The following DLGAP2 variants were observed in gnomAD, a reference collection of about 807,000 sequenced individuals.
DLGAP2 encodes disks large-associated protein 2.
DLGAP2 carries 26 observed loss-of-function variants against 100.3 expected under a neutral mutation model. The ratio of observed to expected loss-of-function variants is 0.26; its 90% CI spans 0.19 to 0.36. DLGAP2 has a LOEUF of 0.36. Among genes scored for constraint, DLGAP2 ranks in the 10% least tolerant of loss-of-function variants. The pLI is 1.00. For synonymous variants in DLGAP2, 886 were observed against 630.1 expected (o/e 1.41, Z -6.08); for missense variants, 1,858 against 1,453.2 (o/e 1.28, Z -4.53).
intron 2 of DLGAP2, among the ~76,000 whole-genome samples, chr8:1,179,224 G>A (rs1234128741): frequency 6.6e-6 from 1 of 152,260 alleles, no homozygotes; most frequent in Non-Finnish European, 1.5e-5. Flanking sequence ...TTTGCAATTT[G>A]GGAGATGGGA....
intron 3 of DLGAP2, among the ~76,000 whole-genome samples, chr8:1,356,911 T>C (rs1020797644): frequency 6.6e-6 from 1 of 152,192 alleles, no homozygotes; most frequent in Non-Finnish European, 1.5e-5. Flanking sequence ...GTGTCTACAG[T>C]GCCCGTGTCT....
chr8:1,548,857 G>A lies in DLGAP2; in HGVS notation c.404G>A (p.Cys135Tyr). 2 of 1,583,992 alleles carry A rather than the reference G, an allele frequency of 1.3e-6. No homozygotes were observed. Among genetic ancestry groups the A allele is most frequent in the South Asian group, 2.2e-5 (2 of 89,372 alleles). ...AGCTGCCCCGGGGGGCGCCACCGCT[G>A]CTCGCCGCGCAGCTCGGTGCACTCG... ...ADSCPGGRHR[C>Y]SPRSSVHSEC... The change falls in exon 5 of 15, where the codon TGC becomes TAC. Residue 135 changes from cysteine (C) to tyrosine (Y), a missense_variant. Coordinates refer to ENST00000637795, the MANE Select transcript of DLGAP2 (RefSeq NM_001346810.2).
intron 2 of DLGAP2, among the ~76,000 whole-genome samples, chr8:965,612 GGCCCCGC>G (rs1799843057): frequency 8.2e-6 from 1 of 122,390 alleles, no homozygotes; most frequent in Non-Finnish European, 1.6e-5. Flanking sequence ...TCCTGAGTCT[GGCCCCGC>G]ACTGCACACG....
intron 14 of DLGAP2, among the ~76,000 whole-genome samples, chr8:1,698,254 C>T (rs1220608353): frequency 1.3e-5 from 2 of 152,176 alleles, no homozygotes; most frequent in Non-Finnish European, 2.9e-5. Flanking sequence ...GTAAGCCATG[C>T]GTGGGACAGG....
At chr8:1,680,631 G>A (rs540175943) in intron 12 of DLGAP2, 2 of 152,332 alleles carry the variant, frequency 1.3e-5, no homozygotes, top group South Asian at 2.1e-4. Context: ...CATGGGGCTG[G>A]TGCAAGTCAG....
intron 2 of DLGAP2, among the ~76,000 whole-genome samples, chr8:1,244,907 ACTC>A (rs1374148584): frequency 2.3e-4 from 35 of 152,332 alleles, no homozygotes; most frequent in African/African-American, 8.2e-4. Context: ...ATTTAGAAGA[ACTC>A]CTAAAGCACA....
intron 6 of DLGAP2, among the ~76,000 whole-genome samples, chr8:1,622,595 T>A (rs1209655055): frequency 6.6e-6 from 1 of 152,178 alleles, no homozygotes; most frequent in Non-Finnish European, 1.5e-5. Flanking sequence ...TGTCTTGGGG[T>A]TATGGATTCA....
At chr8:1,499,182 C>G (rs1355870183) in intron 3 of DLGAP2, among the ~76,000 whole-genome samples, 1 of 152,230 alleles carries the variant, frequency 6.6e-6, no homozygotes, top group Non-Finnish European at 1.5e-5. Flanking sequence ...CTTCCGATAC[C>G]AAGCTTGTGC....
chr8:1,625,183 T>G (rs1797460410), intron 6 of DLGAP2, among the ~76,000 whole-genome samples: 1 of 152,226 alleles, frequency 6.6e-6, no homozygotes, highest in Non-Finnish European at 1.5e-5. Context: ...GACATTTTTA[T>G]GTACCTGCTT....
chr8:1,039,277 G>A (rs1046840574), intron 2 of DLGAP2, among the ~76,000 whole-genome samples: 6 of 149,788 alleles, frequency 4.0e-5, no homozygotes, highest in South Asian at 2.1e-4. Flanking sequence ...TGGTCGGCTC[G>A]GTTTCCATGG....
chr8:770,123 A>C (rs1821319660), intron 1 of DLGAP2, among the ~76,000 whole-genome samples: 1 of 152,216 alleles, frequency 6.6e-6, no homozygotes, highest in Admixed American at 6.5e-5. Flanking sequence ...GTACGTTTTT[A>C]TAAAGAAGAA....
chr8:943,495 C>A (rs1282602891), intron 2 of DLGAP2, among the ~76,000 whole-genome samples: 1 of 152,234 alleles, frequency 6.6e-6, no homozygotes, highest in Non-Finnish European at 1.5e-5. Flanking sequence ...CATCCCGCCA[C>A]AAGCACAGCA....
intron 1 of DLGAP2, among the ~76,000 whole-genome samples, chr8:855,693 G>T (rs552963232): frequency 6.6e-6 from 1 of 152,278 alleles, no homozygotes; most frequent in African/African-American, 2.4e-5. Context: ...ACTGATTTTT[G>T]AGGCCCTACA....
intron 2 of DLGAP2, among the ~76,000 whole-genome samples, chr8:950,616 CTTTTTCTTTTTTTT>C (rs1379560259): frequency 4.1e-5 from 6 of 145,318 alleles, no homozygotes; most frequent in African/African-American, 1.5e-4. Context: ...TTCTTTTTTT[CTTTTTCTTTTTTTT>C]TTTTTTTTTG....
At chr8:1,283,125 A>ATGG (rs1799852544) in intron 3 of DLGAP2, among the ~76,000 whole-genome samples, 1 of 102,092 alleles carries the variant, frequency 9.8e-6, no homozygotes, top group Non-Finnish European at 1.8e-5. Context: ...CCATCCGGAC[A>ATGG]TGGTGTGACC....
chr8:883,366 T>A (rs927098935), intron 1 of DLGAP2: 1 of 152,166 alleles, frequency 6.6e-6, no homozygotes, highest in Admixed American at 6.5e-5. Flanking sequence ...TGGGCCTACA[T>A]TGGCCTAGGG....
At chr8:899,111 C>A (rs536996838) in intron 1 of DLGAP2, among the ~76,000 whole-genome samples, 1 of 152,198 alleles carries the variant, frequency 6.6e-6, no homozygotes, top group Non-Finnish European at 1.5e-5. Flanking sequence ...TGAGATCCAG[C>A]GGAACAGCAG....
chr8:792,575 A>T (rs1795936594), intron 1 of DLGAP2, among the ~76,000 whole-genome samples: 1 of 152,234 alleles, frequency 6.6e-6, no homozygotes, highest in Non-Finnish European at 1.5e-5. Context: ...TTTTACAGGA[A>T]CGTGAAGTAG....
intron 3 of DLGAP2, among the ~76,000 whole-genome samples, chr8:1,350,047 A>G (rs1005923065): frequency 3.9e-5 from 6 of 152,362 alleles, no homozygotes; most frequent in African/African-American, 7.2e-5. Flanking sequence ...TGACTTTAAT[A>G]TAGAAACCGT....
Sources: gnomAD v4.1 joint callset for allele counts (sites outside exome capture counted in the v4.1 genomes callset) on GRCh38, gnomAD v4.1.1 for gene constraint, MANE v1.5 for transcripts, NCBI Gene and HGNC (gene_info 2026-07-23, HGNC 2026-07-21) for gene names.